ALCAM: variants seen among roughly 807,000 people sequenced by gnomAD.
The protein encoded by ALCAM is activated leukocyte cell adhesion molecule.
A neutral mutation model predicts 70.9 loss-of-function variants in ALCAM; 30 were observed. The observed-to-expected ratio is 0.42, with a 90% CI of 0.32 to 0.57. ALCAM has a LOEUF of 0.57. Ranked by LOEUF, ALCAM falls within the 20% of genes least tolerant of loss-of-function variation. The probability of loss-of-function intolerance (pLI) is 0.11; values close to 1 mark genes in which losing one functional copy is unlikely to be tolerated. For missense variants in ALCAM, 591 were observed against 695.1 expected, an observed-to-expected ratio of 0.85 and a Z score of 1.68; for synonymous variants, 249 against 242.5, an observed-to-expected ratio of 1.03 and a Z score of -0.25.
chr3:105,430,076 C>T (rs1936889859), intron 1 of ALCAM, among the ~76,000 whole-genome samples: 1 of 151,906 alleles, frequency 6.6e-6, no homozygotes, highest in Non-Finnish European at 1.5e-5. Flanking sequence ...TATATCAACA[C>T]ATTTTCATGG....
In ALCAM at chr3:105,478,796, A is replaced by G. The variant is rs190281072; in HGVS notation, c.74-41271A>G. 4.6e-5 allele frequency among the ~76,000 whole-genome samples: 7 copies of G among 152,268 alleles called. No individual in the cohort carries two copies. The East Asian group carries it at 1.3e-3, about 29-fold the overall frequency. On this transcript the variant is annotated intron_variant, in intron 1 of 15. Coordinates refer to ENST00000306107, the MANE Select transcript of ALCAM (RefSeq NM_001627.4). ...AGATAATAAAAAGAAAAGGTTTTGG[A>G]GAAGAAATCTCAAGATTGTGATTTT...
chr3:105,479,240 G>A (rs1016515126), intron 1 of ALCAM, among the ~76,000 whole-genome samples: 7 of 151,986 alleles, frequency 4.6e-5, no homozygotes, highest in Admixed American at 3.3e-4. Context: ...ATGACTTATG[G>A]TAATTTTCTC....
chr3:105,396,387 G>A (rs1935951496), intron 1 of ALCAM, among the ~76,000 whole-genome samples: 1 of 151,872 alleles, frequency 6.6e-6, no homozygotes, highest in Non-Finnish European at 1.5e-5. Flanking sequence ...CAAAAGGAAA[G>A]AAGGATCAGA....
At chr3:105,497,807 G>A (rs550860419) in intron 1 of ALCAM, among the ~76,000 whole-genome samples, 21 of 152,144 alleles carry the variant, frequency 1.4e-4, no homozygotes, top group African/African-American at 4.6e-4. Context: ...CGAGGCGGGC[G>A]GATCACGAGG....
At chr3:105,438,967 T>TA (rs1166453003) in intron 1 of ALCAM, among the ~76,000 whole-genome samples, 1 of 152,144 alleles carries the variant, frequency 6.6e-6, no homozygotes, top group Non-Finnish European at 1.5e-5. Flanking sequence ...AATAATGTTA[T>TA]AATACTACAG....
intron 1 of ALCAM, among the ~76,000 whole-genome samples, chr3:105,498,624 G>A (rs1269723230): frequency 6.6e-6 from 1 of 152,076 alleles, no homozygotes; most frequent in Admixed American, 6.6e-5. Context: ...TTCCAGGAGT[G>A]TTCTGCTTTT....
chr3:105,397,443 G>A (rs956410442), intron 1 of ALCAM, among the ~76,000 whole-genome samples: 4 of 151,406 alleles, frequency 2.6e-5, no homozygotes, highest in African/African-American at 7.3e-5. Flanking sequence ...AGTTTAAATG[G>A]GTGACTAAAT....
rs542483700 is a variant in ALCAM, at chr3:105,438,712, C to T, written c.73+71231C>T. Among the ~76,000 whole-genome samples, 13 of 152,162 alleles carry T rather than the reference C, an allele frequency of 8.5e-5. No individual in the cohort carries two copies. In the East Asian group the frequency reaches 2.1e-3, roughly 25 times the overall value. On this transcript the variant is annotated intron_variant, in intron 1 of 15. Coordinates refer to ENST00000306107, the MANE Select transcript of ALCAM (RefSeq NM_001627.4). ...CTGTGATGAAGCAATCATGTTGCTA[C>T]AGATATTGTATAGAGACACAGCCCA...
intron 1 of ALCAM, among the ~76,000 whole-genome samples, chr3:105,492,762 C>T (rs1417515177): frequency 6.6e-6 from 1 of 152,054 alleles, no homozygotes; most frequent in Non-Finnish European, 1.5e-5. Context: ...ATTTTTCCTA[C>T]TGAACATGTA....
chr3:105,423,621 G>A (rs1184346897), intron 1 of ALCAM, among the ~76,000 whole-genome samples: 2 of 151,364 alleles, frequency 1.3e-5, no homozygotes, highest in Admixed American at 6.6e-5. Flanking sequence ...TCTTTTAGAT[G>A]AGTATTAAAT....
chr3:105,523,978 A>G (rs1939622267), intron 2 of ALCAM, among the ~76,000 whole-genome samples: 1 of 152,098 alleles, frequency 6.6e-6, no homozygotes, highest in Non-Finnish European at 1.5e-5. Context: ...GTTTGCATTT[A>G]TTTATGTTTT....
intron 1 of ALCAM, among the ~76,000 whole-genome samples, chr3:105,506,259 T>C (rs1939074980): frequency 6.6e-6 from 1 of 152,082 alleles, no homozygotes; most frequent in Non-Finnish European, 1.5e-5. Context: ...ATTCTAGGGG[T>C]GGTGTTCTTA....
intron 1 of ALCAM, among the ~76,000 whole-genome samples, chr3:105,452,027 T>G (rs1937440973): frequency 6.6e-6 from 1 of 152,166 alleles, no homozygotes; most frequent in Non-Finnish European, 1.5e-5. Flanking sequence ...ATTCTCAATT[T>G]TACCTTCACA....
At chr3:105,385,141 A>G (rs1935618383) in intron 1 of ALCAM, among the ~76,000 whole-genome samples, 1 of 151,656 alleles carries the variant, frequency 6.6e-6, no homozygotes, top group Non-Finnish European at 1.5e-5. Flanking sequence ...TAATCTTTCC[A>G]CAAACATATA....
intron 14 of ALCAM, among the ~76,000 whole-genome samples, chr3:105,564,524 G>A (rs578257077): frequency 4.4e-4 from 67 of 152,220 alleles, no homozygotes; most frequent in African/African-American, 1.6e-3. Flanking sequence ...ACATTACTGG[G>A]AGTGCATGTC....
At chr3:105,511,282 C>T (rs184637101) in intron 1 of ALCAM, among the ~76,000 whole-genome samples, 1 of 152,168 alleles carries the variant, frequency 6.6e-6, no homozygotes, top group Non-Finnish European at 1.5e-5. Context: ...CACACCATCT[C>T]TTAAGGCAGA....
intron 1 of ALCAM, among the ~76,000 whole-genome samples, chr3:105,507,319 G>A (rs749313933): frequency 1.6e-4 from 25 of 151,942 alleles, no homozygotes; most frequent in Admixed American, 4.6e-4. Context: ...TTCCTGTTGT[G>A]TTGTACATTT....
At chr3:105,541,413 A>G (rs112779326) in intron 7 of ALCAM, among the ~76,000 whole-genome samples, 1 of 152,018 alleles carries the variant, frequency 6.6e-6, no homozygotes, top group Non-Finnish European at 1.5e-5. Context: ...AAAGTCATCA[A>G]TAGAAAATAA....
intron 1 of ALCAM, among the ~76,000 whole-genome samples, chr3:105,407,555 G>A (rs1189371456): frequency 2.0e-5 from 3 of 152,094 alleles, no homozygotes; most frequent in East Asian, 3.9e-4. Context: ...AAAATTGGCA[G>A]AGAAGGGATA....
Sources: allele counts gnomAD v4.1 joint callset (sites outside exome capture counted in the v4.1 genomes callset), GRCh38; gene constraint gnomAD v4.1.1; transcripts MANE v1.5; gene names NCBI Gene and HGNC (gene_info 2026-07-23, HGNC 2026-07-21).